The following MCM5 variants were observed in gnomAD, a reference collection of about 807,000 sequenced individuals.
MCM5 encodes DNA replication licensing factor MCM5.
In MCM5, 46 loss-of-function variants were observed where a neutral mutation model predicts 79.9. That is an observed-to-expected ratio of 0.58 (90% CI 0.45 to 0.74). The LOEUF (loss-of-function observed/expected upper bound fraction) is 0.74, where lower values mean the gene tolerates loss of function less well. Among genes scored for constraint, MCM5 ranks in the 30% least tolerant of loss-of-function variants. The pLI is 0.00. For missense variants in MCM5, 883 were observed against 1,017.0 expected (o/e 0.87, Z 1.79); for synonymous variants, 404 against 390.5 (o/e 1.03, Z -0.41).
chr22:35,408,653 A>G (rs1379257301), intron 6 of MCM5, 90 bp downstream of exon 6: 2 of 1,437,314 alleles, frequency 1.4e-6, no homozygotes, highest in African/African-American at 2.8e-5. Flanking sequence ...GGTCATCTGG[A>G]GCAGGGTGAG....
Position 35,423,293 on chromosome 22 carries a change from T to C in MCM5, c.2055T>C (p.Ile685=), listed in dbSNP as rs746987894. 2.5e-6 allele frequency: 4 copies of C among 1,609,194 alleles called. No homozygotes were observed. Among genetic ancestry groups the C allele is most frequent in the Non-Finnish European group, 3.4e-6 (4 of 1,177,052 alleles). The change falls in exon 16 of 17, where the codon ATT becomes ATC. Residue 685 remains isoleucine, a synonymous_variant. Transcript: ENST00000216122. ...AGCAGCTCAAGCGCCGCTTTGCCAT[T>C]GGCTCCCAGGTGTCTGAGCACAGCA... is the stretch of plus-strand genomic sequence containing the variant. ...IEKQLKRRFA[I]GSQVSEHSII...
chr22:35,433,539 G>A, the MCM5 span, among the ~76,000 whole-genome samples: 28 of 152,256 alleles, frequency 1.8e-4, no homozygotes, highest in Admixed American at 1.6e-3. Flanking sequence ...ACCTTGGGGG[G>A]GTCTCTCATT....
chr22:35,404,067 G>A (rs757668033), intron 4 of MCM5, among the ~76,000 whole-genome samples: 20 of 152,150 alleles, frequency 1.3e-4, no homozygotes, highest in Non-Finnish European at 2.5e-4. Flanking sequence ...CTCTGATTGT[G>A]CCTCTCAGCA....
chr22:35,442,714 A>G, the MCM5 span, among the ~76,000 whole-genome samples: 2 of 152,174 alleles, frequency 1.3e-5, no homozygotes, highest in Non-Finnish European at 2.9e-5. Flanking sequence ...CATTGGGCTC[A>G]TCCTGATAAT....
At chr22:35,452,283 C>A in the MCM5 span, among the ~76,000 whole-genome samples, 1 of 152,176 alleles carries the variant, frequency 6.6e-6, no homozygotes, top group African/African-American at 2.4e-5. Flanking sequence ...TCCCCACCCC[C>A]ACGCAGGCCT....
chr22:35,420,603 C>A (rs747826058), intron 14 of MCM5, among the ~76,000 whole-genome samples: 1 of 152,224 alleles, frequency 6.6e-6, no homozygotes, highest in Non-Finnish European at 1.5e-5. Flanking sequence ...GGTGTGAGGA[C>A]TCCTCAAGCT....
At chr22:35,442,040 C>T in the MCM5 span, among the ~76,000 whole-genome samples, 153 of 152,086 alleles carry the variant, frequency 1.0e-3, no homozygotes, top group Non-Finnish European at 1.4e-3. Context: ...CCAATCTGGT[C>T]GAATCTAAAT....
In MCM5 at chr22:35,421,171, A is replaced by C. The variant is rs76568616; in HGVS notation, c.1833-147A>C. 123 of 691,994 alleles carry C rather than the reference A, an allele frequency of 1.8e-4. No homozygotes were observed. The African/African-American group carries it at 1.9e-3, about 11-fold the overall frequency. The allele number at this position is 691,994 out of a possible 1,614,324, so 42.9% of individuals were successfully genotyped here. A position where few individuals can be genotyped will look rare whatever the true frequency, so the allele number is the denominator to read the frequency against. The stretch of plus-strand genomic sequence containing the variant: ...AAAAAATTGCAGTTCTATGACTAAG[A>C]TCAAAAGGGAGATGGATTATGGGGA... On this transcript the variant is annotated intron_variant, in intron 14 of 16. Transcript: ENST00000216122.
the MCM5 span, among the ~76,000 whole-genome samples, chr22:35,443,427 G>A: frequency 0.79 from 120,323 of 152,090 alleles, 48,176 homozygotes; most frequent in African/African-American, 0.88. Flanking sequence ...GGCCTCAAGC[G>A]ATCCTTCCCC....
intron 15 of MCM5, 38 bp from the exon 16 acceptor site, chr22:35,423,176 C>A: frequency 1.3e-6 from 2 of 1,524,668 alleles, no homozygotes; most frequent in Admixed American, 1.9e-5. Flanking sequence ...CTCCCATTGT[C>A]CCAGCTCCCC....
At chr22:35,430,206 G>A (rs1186526016), downstream of MCM5, among the ~76,000 whole-genome samples, 1 of 152,200 alleles carries the variant, frequency 6.6e-6, no homozygotes, top group Non-Finnish European at 1.5e-5. Context: ...GGAGTCCATG[G>A]CCTGAGTGTG....
the MCM5 span, among the ~76,000 whole-genome samples, chr22:35,448,642 G>A: frequency 2.0e-5 from 3 of 152,326 alleles, no homozygotes; most frequent in African/African-American, 4.8e-5. Context: ...AGAAGACAGC[G>A]ATGAGGAGAC....
chr22:35,400,181 C>T lies in MCM5; in HGVS notation c.-36C>T, dbSNP rs370343874. 2.0e-4 allele frequency: 99 copies of T among 504,586 alleles called. No homozygotes were observed. Among genetic ancestry groups the T allele is most frequent in the East Asian group, 1.8e-3 (49 of 27,348 alleles). The allele number at this position is 504,586 out of a possible 1,614,324, so 31.3% of individuals were successfully genotyped here. Reference sequence around the variant, plus strand: ...CTGAGCGTGGAGGTTCTTGTCTCCCCTGGTTTGTGAAGTGCGGAAAACCAG... The same window carrying T: ...CTGAGCGTGGAGGTTCTTGTCTCCCTTGGTTTGTGAAGTGCGGAAAACCAG... On this transcript the variant is annotated 5_prime_UTR_variant, in exon 1 of 17. Transcript: ENST00000216122.
the MCM5 span, among the ~76,000 whole-genome samples, chr22:35,435,464 A>G: frequency 6.6e-6 from 1 of 152,194 alleles, no homozygotes; most frequent in African/African-American, 2.4e-5. Flanking sequence ...GGGAGGAAGA[A>G]GGTGGTGGCC....
In MCM5 at chr22:35,416,477, T is replaced by C. The variant is rs1932542992; in HGVS notation, c.1413+73T>C. The C allele has an allele frequency of 6.6e-6, 10 of 1,519,866 alleles. No individual in the cohort carries two copies. The South Asian group carries it at 1.0e-4, about 15-fold the overall frequency. 94.1% of individuals were successfully genotyped at this position (1,519,866 alleles called of 1,614,324 possible). On this transcript the variant is annotated intron_variant, in intron 11 of 16. Transcript: ENST00000216122. ...CCCAACCGTCCTCAGGCTGCCCTGA[T>C]TGGGACCAAGTTCTCTTTGCCCAGG...
At chr22:35,446,512 G>A in the MCM5 span, among the ~76,000 whole-genome samples, 4 of 152,112 alleles carry the variant, frequency 2.6e-5, no homozygotes, top group Non-Finnish European at 5.9e-5. Flanking sequence ...GTGAATGAGC[G>A]AGTGGACGAG....
chr22:35,400,488 G>A lies in MCM5; in HGVS notation c.50G>A (p.Gly17Asp), dbSNP rs1290401825. 6.2e-7 allele frequency: 1 copy of A among 1,614,128 alleles called. No homozygotes were observed. The highest frequency in any genetic ancestry group is 8.5e-7 in the Non-Finnish European group (1 of 1,179,994). Reference protein sequence around the residue: ...PGIFYSDSFGGDAQADEGQAR... With the variant: ...PGIFYSDSFGDDAQADEGQAR... The stretch of plus-strand genomic sequence containing the variant: ...ATTTTCTACAGCGACAGCTTCGGGG[G>A]CGACGCCCAGGCCGACGAGGGGCAG... The change falls in exon 2 of 17, where the codon GGC (glycine) becomes GAC (aspartate). Residue 17 changes from glycine (G) to aspartate (D), a missense_variant. Gly to Asp is a moderately conservative substitution (Grantham distance 94). This residue lies in a region of MCM5 where 455 missense variants were observed against 517.5 expected (regional missense o/e 0.88). Transcript: ENST00000216122.
rs767449547 is a variant in MCM5, at chr22:35,410,955, T to C, written c.919+45T>C. 2.6e-6 allele frequency: 4 copies of C among 1,529,386 alleles called. No individual in the cohort carries two copies. The African/African-American group carries it at 4.2e-5, about 16-fold the overall frequency. 94.7% of individuals were successfully genotyped at this position (1,529,386 alleles called of 1,614,324 possible). On this transcript the variant is annotated intron_variant, in intron 7 of 16. Transcript: ENST00000216122. ...CTGGCTTAGCCCTGCTAAAAGGCTG[T>C]GCTTGCATACTTCTGGTAACAGGCA...
chr22:35,421,038 G>A (rs939375018), intron 14 of MCM5, among the ~76,000 whole-genome samples: 1 of 150,030 alleles, frequency 6.7e-6, no homozygotes, highest in African/African-American at 2.5e-5. Context: ...TGAGGTGGAA[G>A]GATCACTGGA....
Sources: allele counts gnomAD v4.1 joint callset (sites outside exome capture counted in the v4.1 genomes callset), GRCh38; gene constraint gnomAD v4.1.1; regional missense constraint gnomAD v4.1.1; transcripts MANE v1.5; gene names NCBI Gene and HGNC (gene_info 2026-07-23, HGNC 2026-07-21).